PDE4B: variants seen among roughly 807,000 people sequenced by gnomAD.
PDE4B encodes the protein phosphodiesterase 4B.
PDE4B carries 20 observed loss-of-function variants against 82.2 expected under a neutral mutation model. The ratio of observed to expected loss-of-function variants is 0.24; its 90% CI spans 0.17 to 0.35. PDE4B has a LOEUF of 0.35. PDE4B is among the 10% of genes least tolerant of loss of function. PDE4B has a pLI of 1.00. For missense variants in PDE4B, 655 were observed against 907.2 expected (o/e 0.72, Z 3.57); for synonymous variants, 320 against 318.9 (o/e 1.00, Z -0.04).
At chr1:65,811,618 C>T (rs561283316) in intron 1 of PDE4B, among the ~76,000 whole-genome samples, 4 of 152,242 alleles carry the variant, frequency 2.6e-5, no homozygotes, top group Admixed American at 2.6e-4. Flanking sequence ...TTGATTTCCT[C>T]ATTTGTTTGT....
rs12146145 is a variant in PDE4B at position 65,893,266 on chromosome 1, A to T, written c.-70-19979A>T. Among the ~76,000 whole-genome samples the T allele has an allele frequency of 7.5e-3, 1,139 of 152,228 alleles. 9 individuals carry two copies. The highest frequency in any genetic ancestry group is 0.012 in the Non-Finnish European group (832 of 67,964). ...TTATATTAAAATGCAAAGATCTTTG[A>T]CTTGCTGAACAGTTTTTAATAAGAA... On this transcript the variant is annotated intron_variant, in intron 1 of 16. Transcript: ENST00000341517.
chr1:65,817,121 A>C (rs1645895465), intron 1 of PDE4B, among the ~76,000 whole-genome samples: 2 of 152,198 alleles, frequency 1.3e-5, no homozygotes, highest in African/African-American at 4.8e-5. Flanking sequence ...AGCCAGTGTG[A>C]AATTGTTAAG....
chr1:66,318,323 T>G (rs1225922408), intron 7 of PDE4B, among the ~76,000 whole-genome samples: 1 of 152,196 alleles, frequency 6.6e-6, no homozygotes, highest in East Asian at 1.9e-4. Flanking sequence ...AATTAAATAT[T>G]ATACATAGTC....
intron 8 of PDE4B, among the ~76,000 whole-genome samples, chr1:66,340,478 G>T (rs772101749): frequency 6.6e-6 from 1 of 152,104 alleles, no homozygotes; most frequent in Non-Finnish European, 1.5e-5. Flanking sequence ...ATTTTAAAAT[G>T]TATCAGTTTT....
intron 3 of PDE4B, among the ~76,000 whole-genome samples, chr1:66,245,470 A>G (rs994058614): frequency 9.2e-5 from 14 of 152,206 alleles, no homozygotes; most frequent in African/African-American, 3.1e-4. Context: ...GGCACACAAA[A>G]AAGCCCTTAT....
At chr1:65,885,533 A>T (rs2100359369) in intron 1 of PDE4B, among the ~76,000 whole-genome samples, 2 of 152,284 alleles carry the variant, frequency 1.3e-5, no homozygotes, top group East Asian at 3.9e-4. Flanking sequence ...ATGAAGCCAT[A>T]AAAAAGGATG....
intron 4 of PDE4B, among the ~76,000 whole-genome samples, chr1:66,255,961 T>G (rs1654189244): frequency 6.6e-6 from 1 of 152,130 alleles, no homozygotes; most frequent in South Asian, 2.1e-4. Context: ...GCCCAGGGCT[T>G]GAGAGCAGCC....
At chr1:66,012,191 A>C (rs1181662765) in intron 3 of PDE4B, among the ~76,000 whole-genome samples, 1 of 152,044 alleles carries the variant, frequency 6.6e-6, no homozygotes, top group East Asian at 1.9e-4. Flanking sequence ...TCTTTTAAGG[A>C]GTTTATGTCC....
chr1:66,291,257 GC>G (rs1657056721), intron 7 of PDE4B, among the ~76,000 whole-genome samples: 1 of 152,064 alleles, frequency 6.6e-6, no homozygotes, highest in South Asian at 2.1e-4. Context: ...AGAAAAGTGA[GC>G]TTTAGGGAGG....
chr1:66,173,974 A>G (rs1001324393), intron 3 of PDE4B, among the ~76,000 whole-genome samples: 3 of 152,094 alleles, frequency 2.0e-5, no homozygotes, highest in African/African-American at 7.2e-5. Context: ...TTTGGTAGAG[A>G]TGGGTTTTTG....
chr1:66,007,664 T>C (rs1652224773), intron 3 of PDE4B, among the ~76,000 whole-genome samples: 2 of 152,138 alleles, frequency 1.3e-5, no homozygotes, highest in Admixed American at 6.5e-5. Context: ...GAGAATCTGG[T>C]GTACTAGCAA....
intron 3 of PDE4B, among the ~76,000 whole-genome samples, chr1:65,942,963 C>T (rs12730848): frequency 0.22 from 33,414 of 151,778 alleles, 4,255 homozygotes; most frequent in East Asian, 0.4. Context: ...TGTAGGTTGT[C>T]TCTTTACTCT....
chr1:66,105,441 A>G (rs1483544973), intron 3 of PDE4B, among the ~76,000 whole-genome samples: 1 of 151,996 alleles, frequency 6.6e-6, no homozygotes, highest in East Asian at 1.9e-4. Context: ...TTGGTTCCAT[A>G]TGAACTTTAA....
chr1:66,106,041 G>A (rs1459587351), intron 3 of PDE4B, among the ~76,000 whole-genome samples: 1 of 151,984 alleles, frequency 6.6e-6, no homozygotes, highest in South Asian at 2.1e-4. Context: ...AATGCTTCCA[G>A]TTTGTGCCCA....
In PDE4B at chr1:66,251,807, G is replaced by A. The variant is rs576838253; in HGVS notation, c.476+4153G>A. On this transcript the variant is annotated intron_variant, in intron 4 of 16. Transcript: ENST00000341517. ...CCAGAGGATATGAGAGGATGAGGAA[G>A]TGGTGAAAAACAAGACTGGAAAAGT... is the stretch of plus-strand genomic sequence containing the variant. Among the ~76,000 whole-genome samples, 19 of 152,286 alleles carry A rather than the reference G, an allele frequency of 1.2e-4. No individual in the cohort carries two copies. In the East Asian group the frequency reaches 3.7e-3, roughly 29 times the overall value.
intron 3 of PDE4B, among the ~76,000 whole-genome samples, chr1:66,196,841 G>A (rs1019800983): frequency 2.0e-5 from 3 of 151,280 alleles, no homozygotes; most frequent in African/African-American, 7.3e-5. Context: ...GATAGCATTG[G>A]GAGATATACC....
intron 3 of PDE4B, among the ~76,000 whole-genome samples, chr1:65,962,802 A>C (rs569106562): frequency 6.6e-6 from 1 of 152,152 alleles, no homozygotes; most frequent in Admixed American, 6.5e-5. Context: ...AGATCTTTCT[A>C]TCCCAAAATT....
At chr1:66,265,341 A>G (rs776071731) in intron 6 of PDE4B, among the ~76,000 whole-genome samples, 1 of 152,216 alleles carries the variant, frequency 6.6e-6, no homozygotes, top group Non-Finnish European at 1.5e-5. Flanking sequence ...AAGAAGGGTA[A>G]GAGCAGTGAA....
At chr1:66,240,611 A>G (rs528396559) in intron 3 of PDE4B, among the ~76,000 whole-genome samples, 2 of 152,312 alleles carry the variant, frequency 1.3e-5, no homozygotes, top group Non-Finnish European at 2.9e-5. Flanking sequence ...ACTATCTGAA[A>G]CTATCTTACT....
Sources: gnomAD v4.1 joint callset for allele counts (sites outside exome capture counted in the v4.1 genomes callset) on GRCh38, gnomAD v4.1.1 for gene constraint, MANE v1.5 for transcripts, NCBI Gene and HGNC (gene_info 2026-07-23, HGNC 2026-07-21) for gene names.